Variants in MARCHF1 observed in about 807,000 individuals in gnomAD.
MARCHF1 encodes the protein membrane associated ring-CH-type finger 1, also known as E3 ubiquitin-protein ligase MARCHF1.
A neutral mutation model predicts 54.2 loss-of-function variants in MARCHF1; 40 were observed. The ratio of observed to expected loss-of-function variants is 0.74; its 90% CI spans 0.57 to 0.96. The LOEUF (loss-of-function observed/expected upper bound fraction) is 0.96. Among genes scored for constraint, MARCHF1 ranks in the 40% least tolerant of loss-of-function variants. MARCHF1 has a pLI of 0.00. For missense variants in MARCHF1, 586 were observed against 656.5 expected (o/e 0.89, Z 1.17); for synonymous variants, 236 against 236.3 (o/e 1.00, Z 0.01).
chr4:163,885,051 G>T (rs1160189085), intron 3 of MARCHF1, among the ~76,000 whole-genome samples: 1 of 152,110 alleles, frequency 6.6e-6, no homozygotes, highest in East Asian at 1.9e-4. Flanking sequence ...AGCAAATGAG[G>T]CAGTGTGTAA....
At chr4:164,119,450 A>G (rs1756016797) in intron 1 of MARCHF1, among the ~76,000 whole-genome samples, 1 of 151,126 alleles carries the variant, frequency 6.6e-6, no homozygotes, top group Admixed American at 6.6e-5. Context: ...ATAAAAATAA[A>G]TGAGTCAAAT....
At chr4:163,635,742 C>T (rs557071948) in intron 5 of MARCHF1, among the ~76,000 whole-genome samples, 84 of 152,160 alleles carry the variant, frequency 5.5e-4, no homozygotes, top group Middle Eastern at 3.4e-3. Flanking sequence ...TAACTCATTT[C>T]ATGAGGCCAG....
intron 9 of MARCHF1, among the ~76,000 whole-genome samples, chr4:163,544,339 T>A (rs918261214): frequency 2.6e-5 from 4 of 152,250 alleles, no homozygotes; most frequent in African/African-American, 9.6e-5. Context: ...AATAAACACA[T>A]AAAAACAACC....
At chr4:163,724,132 G>GT (rs202038137) in intron 4 of MARCHF1, among the ~76,000 whole-genome samples, 3,447 of 152,274 alleles carry the variant, frequency 0.023, 70 homozygotes, top group Non-Finnish European at 0.037. Context: ...TTTCTGCTCT[G>GT]TTTTTTCCCC....
At chr4:163,680,349 G>T (rs1479020049) in intron 5 of MARCHF1, among the ~76,000 whole-genome samples, 2 of 152,210 alleles carry the variant, frequency 1.3e-5, no homozygotes, top group Non-Finnish European at 2.9e-5. Context: ...GTCCAATTTG[G>T]ATCCCTCTTG....
intron 1 of MARCHF1, among the ~76,000 whole-genome samples, chr4:164,320,794 G>T (rs1410240327): frequency 6.6e-6 from 1 of 151,918 alleles, no homozygotes; most frequent in Non-Finnish European, 1.5e-5. Context: ...ATAGAAATGT[G>T]TGTGGGGGGA....
chr4:164,116,421 C>G (rs1207129541), intron 1 of MARCHF1, among the ~76,000 whole-genome samples: 6 of 152,086 alleles, frequency 3.9e-5, no homozygotes, highest in Non-Finnish European at 5.9e-5. Context: ...TATTCTTCTT[C>G]ATTTGCATGT....
intron 1 of MARCHF1, among the ~76,000 whole-genome samples, chr4:164,118,993 A>C (rs1756000495): frequency 6.6e-6 from 1 of 151,592 alleles, no homozygotes; most frequent in East Asian, 1.9e-4. Flanking sequence ...AAGTGGGAAA[A>C]ATTTATTAAA....
chr4:163,873,976 T>G (rs4607170), intron 3 of MARCHF1, among the ~76,000 whole-genome samples: 116,784 of 152,192 alleles, frequency 0.77, 45,404 homozygotes, highest in Middle Eastern at 0.87. Context: ...AACCCTAATA[T>G]TAGTTCAACT....
At chr4:163,978,882 T>C (rs1469006594) in intron 3 of MARCHF1, among the ~76,000 whole-genome samples, 5 of 151,988 alleles carry the variant, frequency 3.3e-5, no homozygotes, top group Non-Finnish European at 7.4e-5. Context: ...CCACCATGCA[T>C]GGATAATTTT....
At chr4:163,870,864 G>T (rs1053328285) in intron 3 of MARCHF1, among the ~76,000 whole-genome samples, 1 of 151,952 alleles carries the variant, frequency 6.6e-6, no homozygotes, top group African/African-American at 2.4e-5. Context: ...GCCAGAAGTT[G>T]GTTAATGAAT....
At chr4:163,721,680 G>A (rs542367302) in intron 4 of MARCHF1, among the ~76,000 whole-genome samples, 2 of 152,160 alleles carry the variant, frequency 1.3e-5, no homozygotes, top group East Asian at 3.9e-4. Context: ...TGTTTGGTAG[G>A]CTATTAATTA....
chr4:163,571,463 G>A (rs1739840334), intron 8 of MARCHF1, among the ~76,000 whole-genome samples: 1 of 152,022 alleles, frequency 6.6e-6, no homozygotes, highest in Non-Finnish European at 1.5e-5. Flanking sequence ...GATGTTACTG[G>A]AGCCCTCTCA....
At chr4:164,196,805 C>G (rs1731273225) in intron 1 of MARCHF1, among the ~76,000 whole-genome samples, 1 of 152,092 alleles carries the variant, frequency 6.6e-6, no homozygotes. Context: ...TCCACCGCCT[C>G]CTGCCCTCCC....
intron 1 of MARCHF1, among the ~76,000 whole-genome samples, chr4:164,295,228 A>G (rs1734379866): frequency 6.6e-6 from 1 of 152,210 alleles, no homozygotes; most frequent in Non-Finnish European, 1.5e-5. Context: ...TCTCTTGGCT[A>G]TGACTCCCTG....
chr4:164,362,695 A>G (rs1357955229), intron 1 of MARCHF1, among the ~76,000 whole-genome samples: 1 of 152,186 alleles, frequency 6.6e-6, no homozygotes, highest in Non-Finnish European at 1.5e-5. Context: ...TAACAGATAC[A>G]AAATCACAGG....
intron 2 of MARCHF1, among the ~76,000 whole-genome samples, chr4:164,035,952 A>G (rs1433983680): frequency 1.7e-5 from 2 of 119,170 alleles, no homozygotes; most frequent in Admixed American, 1.7e-4. Flanking sequence ...AAAAAAAAAA[A>G]ATTAACCAGG....
chr4:163,638,527 T>G (rs778463907), intron 5 of MARCHF1, among the ~76,000 whole-genome samples: 2 of 152,164 alleles, frequency 1.3e-5, no homozygotes, highest in Non-Finnish European at 2.9e-5. Flanking sequence ...CACATGCTGG[T>G]GCTGTGCTTC....
At chr4:163,991,799 T>C (rs531410230) in intron 2 of MARCHF1, among the ~76,000 whole-genome samples, 22 of 152,280 alleles carry the variant, frequency 1.4e-4, no homozygotes, top group African/African-American at 5.3e-4. Flanking sequence ...CATATACATG[T>C]CTAAATTGTA....
Sources: gnomAD v4.1 joint callset for allele counts (sites outside exome capture counted in the v4.1 genomes callset) on GRCh38, gnomAD v4.1.1 for gene constraint, MANE v1.5 for transcripts, NCBI Gene and HGNC (gene_info 2026-07-23, HGNC 2026-07-21) for gene names.